Variants in PRC1 observed in about 807,000 individuals in gnomAD.
PRC1 encodes protein regulator of cytokinesis 1.
In PRC1, 54 loss-of-function variants were observed where a neutral mutation model predicts 91.2. The observed-to-expected ratio is 0.59, with a 90% CI of 0.48 to 0.74. The LOEUF is 0.74. Among genes scored for constraint, PRC1 ranks in the 30% least tolerant of loss-of-function variants. The pLI is 0.00. For synonymous variants in PRC1, 275 were observed against 263.6 expected (o/e 1.04, Z -0.42); for missense variants, 727 against 746.2 (o/e 0.97, Z 0.30).
chr15:90,992,413 A>G (rs1383070722), intron 1 of PRC1, among the ~76,000 whole-genome samples: 2 of 152,068 alleles, frequency 1.3e-5, no homozygotes, highest in Non-Finnish European at 2.9e-5. Flanking sequence ...TTTCTTTTTT[A>G]GTATAAATTA....
At chr15:90,967,393 T>C in intron 14 of PRC1, 191 bp from the exon 15 acceptor site, 3 of 601,306 alleles carry the variant, frequency 5.0e-6, no homozygotes, top group South Asian at 3.9e-5. Flanking sequence ...ACAGACAGAG[T>C]GCATGTGCAC....
chr15:90,969,786 AT>A (rs949757937), intron 12 of PRC1, among the ~76,000 whole-genome samples, 163 bp from the exon 13 acceptor site: 1 of 83,986 alleles, frequency 1.2e-5, no homozygotes, highest in Non-Finnish European at 2.0e-5. Flanking sequence ...ATATATATAT[AT>A]ATATATATAT....
At chr15:90,987,898 G>A (rs970010721) in intron 1 of PRC1, 11 of 152,094 alleles carry the variant, frequency 7.2e-5, no homozygotes, top group African/African-American at 2.7e-4. Context: ...CTCCAGCCAC[G>A]AAATCCTAGT....
intron 11 of PRC1, among the ~76,000 whole-genome samples, chr15:90,972,377 T>C (rs1004552066): frequency 2.0e-5 from 3 of 151,808 alleles, no homozygotes; most frequent in Admixed American, 1.3e-4. Context: ...AGCAAGACAC[T>C]GTCTAAAAAT....
At chr15:90,989,528 G>T (rs547449086) in intron 1 of PRC1, among the ~76,000 whole-genome samples, 3 of 149,864 alleles carry the variant, frequency 2.0e-5, no homozygotes, top group Non-Finnish European at 4.4e-5. Context: ...TAACAGACAT[G>T]AGCCACTGCA....
rs999461211 is a variant in PRC1 at position 90,968,052 on chromosome 15, A to C, written c.1792-850T>G. ...GCTATTGAGAAAGACAGATATTAGC[A>C]GAGGTTAGTTTACCGGCTTTGGTGC... On this transcript the variant is annotated intron_variant, in intron 14 of 14. Transcript: ENST00000394249. The C allele has an allele frequency of 3.0e-6, 3 of 985,258 alleles. No homozygotes were observed. In the African/African-American group the frequency reaches 5.2e-5, roughly 17 times the overall value. The allele number at this position is 985,258 out of a possible 1,614,324, so 61.0% of individuals were successfully genotyped here.
rs1360346954 is a variant in PRC1, at chr15:90,981,561, C to T, written c.610G>A (p.Asp204Asn). 6.2e-7 allele frequency: 1 copy of T among 1,614,096 alleles called. No homozygotes were observed. The highest frequency in any genetic ancestry group is 1.1e-5 in the South Asian group (1 of 91,088). The change falls in exon 5 of 15, where the codon GAC (aspartate) becomes AAC (asparagine). Residue 204 changes from aspartate to asparagine, a missense_variant. Transcript: ENST00000394249. ...AAAGACAAACAAAAGGCATCTTCGTCTTCACACACCACATCTCTTTCAAAG... is the reference window on the plus strand; with the variant it reads ...AAAGACAAACAAAAGGCATCTTCGTTTTCACACACCACATCTCTTTCAAAG... ...TSFERDVVCEDEDAFCLSLEN... is the reference protein window; with the variant it reads ...TSFERDVVCENEDAFCLSLEN...
At position 90,984,652 on chromosome 15, in the gene PRC1, T is replaced by C. The variant is rs773183031; in HGVS notation, c.144+41A>G. ...TATCTCGGGTGAGACACCAACATCC[T>C]TACCCTGGTCCAATGCAGAGACCAG... On this transcript the variant is annotated intron_variant, in intron 2 of 14. Coordinates refer to ENST00000394249, the MANE Select transcript of PRC1 (RefSeq NM_003981.4). The surrounding 1 kb of genome is among the most constrained non-coding windows in gnomAD (Gnocchi z 5.1). 23 of 1,611,400 alleles carry C rather than the reference T, an allele frequency of 1.4e-5. No individual in the cohort carries two copies. Among genetic ancestry groups the C allele is most frequent in the African/African-American group, 2.7e-5 (2 of 74,976 alleles).
chr15:90,972,737 TCAAAAAAAA>T (rs2038271527), intron 11 of PRC1: 1 of 140,090 alleles, frequency 7.1e-6, no homozygotes, highest in Non-Finnish European at 1.5e-5. Context: ...AAACTCCATC[TCAAAAAAAA>T]AAAAAGTCCT....
intron 1 of PRC1, among the ~76,000 whole-genome samples, chr15:90,991,880 A>G (rs759381382): frequency 2.0e-5 from 3 of 151,650 alleles, no homozygotes; most frequent in Admixed American, 1.3e-4. Flanking sequence ...TCTACTCAGA[A>G]CCCTCCAACG....
At chr15:90,976,391 G>A (rs2038701925) in intron 9 of PRC1, among the ~76,000 whole-genome samples, 2 of 145,782 alleles carry the variant, frequency 1.4e-5, no homozygotes, top group South Asian at 4.8e-4. Flanking sequence ...ATCAAGACCA[G>A]GCTGGTCTTG....
At chr15:90,973,640 T>G (rs926459875) in intron 11 of PRC1, among the ~76,000 whole-genome samples, 1 of 151,332 alleles carries the variant, frequency 6.6e-6, no homozygotes, top group Non-Finnish European at 1.5e-5. Flanking sequence ...TATTCTTAGA[T>G]AGGAGAAAAC....
chr15:90,982,247 A>G (rs1567198156), intron 3 of PRC1, among the ~76,000 whole-genome samples: 1 of 152,222 alleles, frequency 6.6e-6, no homozygotes, highest in Admixed American at 6.5e-5. Flanking sequence ...CTTAACCATT[A>G]CGTGTACAGT....
chr15:90,987,366 G>A (rs1217784669), intron 1 of PRC1, among the ~76,000 whole-genome samples: 2 of 152,290 alleles, frequency 1.3e-5, no homozygotes, highest in Admixed American at 6.5e-5. Flanking sequence ...GCAGTGACTG[G>A]TAGAGGGCTT....
Position 90,974,868 on chromosome 15 carries a change from T to A in PRC1, c.1204-137A>T. 2.0e-6 allele frequency: 2 copies of A among 1,003,602 alleles called. No homozygotes were observed. The highest frequency in any genetic ancestry group is 3.0e-6 in the Non-Finnish European group (2 of 659,216). 62.2% of individuals were successfully genotyped at this position (1,003,602 alleles called of 1,614,324 possible). A position where few individuals can be genotyped will look rare whatever the true frequency, so the allele number is the denominator to read the frequency against. On this transcript the variant is annotated intron_variant, in intron 9 of 14. Transcript: ENST00000394249. The surrounding 1 kb of genome is among the most constrained non-coding windows in gnomAD (Gnocchi z 4.6). The stretch of plus-strand genomic sequence containing the variant: ...TTTCAGGTAGCTGGGCCCACATGGG[T>A]ACAGGTCAGAGTGACCAGAAATCAA...
At position 90,969,134 on chromosome 15, in the gene PRC1, A is replaced by C; in HGVS notation, c.1750-14T>G. On this transcript the variant is annotated splice_polypyrimidine_tract_variant and intron_variant, in intron 13 of 14. Coordinates refer to ENST00000394249, the MANE Select transcript of PRC1 (RefSeq NM_003981.4). ...GGACGGATCCTTCTAAGAACAAAGA[A>C]TTAAGACAATTACCAAGAACTCCAC... is the stretch of plus-strand genomic sequence containing the variant. The C allele has an allele frequency of 1.2e-6, 2 of 1,606,756 alleles. No individual in the cohort carries two copies. Among genetic ancestry groups the C allele is most frequent in the Non-Finnish European group, 1.7e-6 (2 of 1,173,384 alleles).
At chr15:90,987,011 C>T (rs2039629285) in intron 1 of PRC1, among the ~76,000 whole-genome samples, 1 of 150,848 alleles carries the variant, frequency 6.6e-6, no homozygotes, top group South Asian at 2.1e-4. Context: ...CGGTAGTTCA[C>T]GCCTGTATTC....
rs1002830803 is a variant in PRC1, at chr15:90,966,398, CG to C, written c.*732del. On this transcript the variant is annotated 3_prime_UTR_variant, in exon 15 of 15. Coordinates refer to ENST00000394249, the MANE Select transcript of PRC1 (RefSeq NM_003981.4). ...AGACTCCCAATGTGGCTGGCAACTG[CG>C]GGGGTAGAAGAACTCAGGCAAAGTA... 6 of 340,158 alleles carry C rather than the reference CG, an allele frequency of 1.8e-5. No individual in the cohort carries two copies. The highest frequency in any genetic ancestry group is 1.3e-4 in the African/African-American group (6 of 46,188). 21.1% of individuals were successfully genotyped at this position (340,158 alleles called of 1,614,324 possible).
intron 3 of PRC1, among the ~76,000 whole-genome samples, chr15:90,983,061 C>A (rs977302539): frequency 1.3e-5 from 2 of 152,160 alleles, no homozygotes; most frequent in African/African-American, 4.8e-5. Context: ...CACCTCACTT[C>A]TCGCCCAATT....
Sources: gnomAD v4.1 joint callset for allele counts (sites outside exome capture counted in the v4.1 genomes callset) on GRCh38, gnomAD v4.1.1 for gene constraint, Gnocchi (gnomAD v3.1) non-coding constraint, MANE v1.5 for transcripts, NCBI Gene and HGNC (gene_info 2026-07-23, HGNC 2026-07-21) for gene names.